Variants in MKNK1 observed in about 807,000 individuals in gnomAD.
The protein encoded by MKNK1 is MAPK interacting serine/threonine kinase 1.
Under a neutral mutation model 49.3 loss-of-function variants are expected in MKNK1, and 30 were observed. That is an observed-to-expected ratio of 0.61 (90% CI 0.46 to 0.83). The LOEUF (loss-of-function observed/expected upper bound fraction) is 0.83, where lower values mean the gene tolerates loss of function less well. Among genes scored for constraint, MKNK1 ranks in the 40% least tolerant of loss-of-function variants. MKNK1 has a pLI of 0.00. For missense variants in MKNK1, 423 were observed against 524.7 expected, an observed-to-expected ratio of 0.81 and a Z score of 1.89; for synonymous variants, 176 against 201.7, an observed-to-expected ratio of 0.87 and a Z score of 1.08.
At chr1:46,582,562 T>A (rs147244902) in intron 3 of MKNK1, among the ~76,000 whole-genome samples, 1 of 152,264 alleles carries the variant, frequency 6.6e-6, no homozygotes, top group African/African-American at 2.4e-5. Context: ...ACAAAACAGA[T>A]GAAGTGGGGC....
rs781584940 is a variant in MKNK1, at chr1:46,572,142, C to T, written c.378G>A (p.Lys126=). 8.1e-6 allele frequency: 13 copies of T among 1,614,116 alleles called. No homozygotes were observed. The highest frequency in any genetic ancestry group is 4.5e-5 in the East Asian group (2 of 44,874). Residue 126 remains lysine (K), a synonymous_variant, in exon 7 of 13, where the codon AAG becomes AAA. Coordinates refer to ENST00000371945, the MANE Select transcript of MKNK1 (RefSeq NM_001135553.4). Reference sequence around the variant, plus strand: ...CTTCTCGCTCATTGAAGTGCTTTTGCTTCTGGATGTGGGCTAAGATGGAAC... The same window carrying T: ...CTTCTCGCTCATTGAAGTGCTTTTGTTTCTGGATGTGGGCTAAGATGGAAC... The part of the protein sequence containing the change: ...QGGSILAHIQ[K]QKHFNEREAS...
chr1:46,565,137 C>T lies in MKNK1; in HGVS notation c.514-1G>A. 6.2e-7 allele frequency: 1 copy of T among 1,613,918 alleles called. No homozygotes were observed. Among genetic ancestry groups the T allele is most frequent in the Non-Finnish European group, 8.5e-7 (1 of 1,179,832 alleles). On this transcript the variant is annotated splice_acceptor_variant, in intron 8 of 12. Coordinates refer to ENST00000371945, the MANE Select transcript of MKNK1 (RefSeq NM_001135553.4). LOFTEE classifies it high-confidence loss of function. ...AGTCACAGATTTTCACTGGAGACAC[C>T]TGAAAAGGAAAACAGAAGACAGGGT...
intron 8 of MKNK1, among the ~76,000 whole-genome samples, chr1:46,566,761 C>CCTTTTCA (rs1669141976): frequency 6.6e-6 from 1 of 152,256 alleles, no homozygotes; most frequent in South Asian, 2.1e-4. Context: ...TTTTCATGTA[C>CCTTTTCA]TTGTTGGACA....
At chr1:46,562,287 T>TGGGAGGCCTAAGGC (rs965675902) in intron 10 of MKNK1, among the ~76,000 whole-genome samples, 3 of 150,286 alleles carry the variant, frequency 2.0e-5, no homozygotes, top group African/African-American at 7.4e-5. Context: ...CCCAGCTACT[T>TGGGAGGCCTAAGGC]GGGAGGCCTA....
intron 4 of MKNK1, among the ~76,000 whole-genome samples, chr1:46,578,286 T>C (rs1352784226): frequency 1.3e-5 from 2 of 152,080 alleles, no homozygotes; most frequent in Non-Finnish European, 1.5e-5. Context: ...TGGGTGCCTA[T>C]AGGAAAAGCT....
In MKNK1 at chr1:46,583,250, G is replaced by A; in HGVS notation, c.78C>T (p.Asp26=). The change falls in exon 3 of 13, where the codon GAC becomes GAT. Residue 26 remains aspartate, a synonymous_variant. Transcript: ENST00000371945. The part of the protein sequence containing the change: ...RKKKRRGRAT[D]SLPGKFEDMY... Reference sequence around the variant, plus strand: ...AACCTTCAAACTTTCCTGGCAAGGAGTCAGTGGCCCGGCCCCTCCGCTTCT... The same window carrying A: ...AACCTTCAAACTTTCCTGGCAAGGAATCAGTGGCCCGGCCCCTCCGCTTCT... The A allele has an allele frequency of 6.2e-7, 1 of 1,614,076 alleles. No individual in the cohort carries two copies. The highest frequency in any genetic ancestry group is 8.5e-7 in the Non-Finnish European group (1 of 1,180,010).
At chr1:46,595,702 A>G (rs988561590) in intron 1 of MKNK1, among the ~76,000 whole-genome samples, 2 of 152,154 alleles carry the variant, frequency 1.3e-5, no homozygotes, top group Non-Finnish European at 2.9e-5. Flanking sequence ...GCCTAAGGAA[A>G]CTCAGGGTAT....
chr1:46,572,450 C>CT, intron 6 of MKNK1: 6 of 251,602 alleles, frequency 2.4e-5, no homozygotes, highest in Non-Finnish European at 4.0e-5. Flanking sequence ...GAACTCCCGA[C>CT]CAAGTGATCC....
At chr1:46,582,741 C>G (rs767418479) in intron 3 of MKNK1, 4 of 393,126 alleles carry the variant, frequency 1.0e-5, no homozygotes, top group African/African-American at 8.4e-5. Context: ...GAACACAACA[C>G]GTATTCTTTA....
At chr1:46,577,200 C>T (rs1015404920) in intron 4 of MKNK1, among the ~76,000 whole-genome samples, 10 of 152,140 alleles carry the variant, frequency 6.6e-5, no homozygotes, top group African/African-American at 1.7e-4. Flanking sequence ...TATTTACGGC[C>T]GGGTGTGGTG....
chr1:46,573,997 T>C (rs1243443137), intron 6 of MKNK1: 1 of 152,182 alleles, frequency 6.6e-6, no homozygotes, highest in East Asian at 1.9e-4. Context: ...CATCCCAAAG[T>C]GCTGGGATTA....
chr1:46,579,574 A>G (rs1671454620), intron 4 of MKNK1, among the ~76,000 whole-genome samples: 1 of 152,234 alleles, frequency 6.6e-6, no homozygotes, highest in African/African-American at 2.4e-5. Context: ...CAGAGTCACC[A>G]GGAGAGTTTG....
intron 5 of MKNK1, 39 bp downstream of exon 5, chr1:46,576,536 G>A (rs755674579): frequency 2.9e-5 from 44 of 1,541,030 alleles, no homozygotes; most frequent in African/African-American, 1.4e-4. Flanking sequence ...GTGGCCAAGC[G>A]TCCCCCCAGA....
intron 12 of MKNK1, chr1:46,559,890 T>G: frequency 2.6e-6 from 1 of 381,404 alleles, no homozygotes; most frequent in Middle Eastern, 8.0e-4. Context: ...GCTCCTTTCA[T>G]TAAATACAAG....
Position 46,567,437 on chromosome 1 carries a change from A to G in MKNK1, c.513+1006T>C, listed in dbSNP as rs536057598. On this transcript the variant is annotated intron_variant, in intron 8 of 12. Coordinates refer to ENST00000371945, the MANE Select transcript of MKNK1 (RefSeq NM_001135553.4). ...CCTCATGATATTTCATAAACACTAA[A>G]TAAATATAAGTGCCTGGCACAATGT... Among the ~76,000 whole-genome samples the G allele has an allele frequency of 4.6e-5, 7 of 152,344 alleles. 1 individual carries two copies. The South Asian group carries it at 1.4e-3, about 32-fold the overall frequency.
chr1:46,590,667 A>G (rs548629687), intron 2 of MKNK1, among the ~76,000 whole-genome samples: 84 of 152,382 alleles, frequency 5.5e-4, no homozygotes, highest in Non-Finnish European at 1.0e-3. Context: ...GGTAGCTAGT[A>G]AAAGTAGCCA....
chr1:46,585,550 G>A (rs976191838), intron 2 of MKNK1: 8 of 286,616 alleles, frequency 2.8e-5, no homozygotes, highest in East Asian at 8.0e-5. Context: ...CATCGGCACC[G>A]CAGGCCCAGT....
In MKNK1 at chr1:46,589,647, G is replaced by T. The variant is rs547632990; in HGVS notation, c.-3+4466C>A. ...GGATACAGATCCAGGAATCATCCTG[G>T]TTCCTGCAGGGGAGATTTACAGAGA... is the stretch of plus-strand genomic sequence containing the variant. On this transcript the variant is annotated intron_variant, in intron 2 of 12. Coordinates refer to ENST00000371945, the MANE Select transcript of MKNK1 (RefSeq NM_001135553.4). This position sits in a 1 kb window ranked among gnomAD's most constrained non-coding sequence, Gnocchi z 4.3. Among the ~76,000 whole-genome samples, 1 of 152,266 alleles carries T rather than the reference G, an allele frequency of 6.6e-6. No homozygotes were observed. The highest frequency in any genetic ancestry group is 6.5e-5 in the Admixed American group (1 of 15,294).
intron 9 of MKNK1, among the ~76,000 whole-genome samples, chr1:46,564,567 C>T (rs999881584): frequency 2.0e-5 from 3 of 149,264 alleles, no homozygotes; most frequent in African/African-American, 7.4e-5. Context: ...ACCTCCACCC[C>T]TCGGGTTCAA....
Sources: gnomAD v4.1 joint callset for allele counts (sites outside exome capture counted in the v4.1 genomes callset) on GRCh38, gnomAD v4.1.1 for gene constraint, Gnocchi (gnomAD v3.1) non-coding constraint, MANE v1.5 for transcripts, NCBI Gene and HGNC (gene_info 2026-07-23, HGNC 2026-07-21) for gene names.